PRR16: variants seen among roughly 807,000 people sequenced by gnomAD.
The protein encoded by PRR16 is proline rich 16.
Under a neutral mutation model 18.2 loss-of-function variants are expected in PRR16, and 6 were observed. The observed-to-expected ratio is 0.33, with a 90% CI of 0.18 to 0.65. PRR16 has a LOEUF of 0.65. Ranked by LOEUF, PRR16 falls within the 30% of genes least tolerant of loss-of-function variation. The pLI is 0.74. For missense variants in PRR16, 412 were observed against 376.6 expected (o/e 1.09, Z -0.78); for synonymous variants, 151 against 147.8 (o/e 1.02, Z -0.16).
intron 1 of PRR16, among the ~76,000 whole-genome samples, chr5:120,480,583 T>C (rs1434855244): frequency 6.6e-6 from 1 of 152,202 alleles, no homozygotes; most frequent in African/African-American, 2.4e-5. Flanking sequence ...ACTATACAGA[T>C]TAGCTGTTGC....
chr5:120,676,112 G>A (rs1756786198), intron 1 of PRR16, among the ~76,000 whole-genome samples: 1 of 152,106 alleles, frequency 6.6e-6, no homozygotes, highest in African/African-American at 2.4e-5. Context: ...GTGTGGGTGT[G>A]TGTATTTTAT....
Position 120,686,453 on chromosome 5 carries a change from G to C in PRR16, c.659G>C (p.Cys220Ser). ...CAGTACCATGGCTATTGTCCTGACT[G>C]TGATACCCGGTATAACATAAAAAAC... Reference protein sequence around the residue: ...KVQYHGYCPDCDTRYNIKNRE... With the variant: ...KVQYHGYCPDSDTRYNIKNRE... Residue 220 changes from cysteine (C) to serine (S), a missense_variant, in exon 2 of 2, where the codon TGT (cysteine) becomes TCT (serine). Physicochemically the swap from Cys to Ser is moderately radical, Grantham distance 112 (BLOSUM62 -1). Transcript: ENST00000407149. 6.2e-7 allele frequency: 1 copy of C among 1,614,126 alleles called. No individual in the cohort carries two copies. The highest frequency in any genetic ancestry group is 8.5e-7 in the Non-Finnish European group (1 of 1,180,014).
At chr5:120,731,737 A>G in the PRR16 span, among the ~76,000 whole-genome samples, 774 of 152,318 alleles carry the variant, frequency 5.1e-3, 11 homozygotes, top group African/African-American at 0.017. Context: ...TCACATCAAA[A>G]CAAGGCTGGC....
chr5:120,563,462 C>G (rs915850426), intron 1 of PRR16, among the ~76,000 whole-genome samples: 4 of 152,196 alleles, frequency 2.6e-5, no homozygotes. Flanking sequence ...TACAAAGATC[C>G]TTCCTGCTCT....
intron 1 of PRR16, among the ~76,000 whole-genome samples, chr5:120,562,663 A>G (rs904176312): frequency 2.6e-5 from 4 of 151,900 alleles, no homozygotes; most frequent in African/African-American, 9.7e-5. Context: ...TTTTGATCTG[A>G]GGTTACTGTG....
intron 1 of PRR16, among the ~76,000 whole-genome samples, chr5:120,583,217 A>G (rs564067035): frequency 1.3e-4 from 20 of 152,226 alleles, no homozygotes; most frequent in Non-Finnish European, 2.6e-4. Flanking sequence ...TGGTAGAGGC[A>G]GTTACAAAGG....
chr5:120,572,880 T>G (rs1752951441), intron 1 of PRR16, among the ~76,000 whole-genome samples: 1 of 152,128 alleles, frequency 6.6e-6, no homozygotes, highest in South Asian at 2.1e-4. Context: ...GACTGCAAAT[T>G]GAATGTCATT....
chr5:120,466,232 C>T (rs1749074961), intron 1 of PRR16, among the ~76,000 whole-genome samples: 1 of 152,054 alleles, frequency 6.6e-6, no homozygotes, highest in Non-Finnish European at 1.5e-5. Context: ...AAATGCTGTC[C>T]CTTTCTTTGT....
chr5:120,619,149 C>A lies in PRR16; in HGVS notation c.160-66805C>A, dbSNP rs189253369. ...ATGTATTCAGAAGCAATCCTCTGTACATATTACGTGATGCCCCACACATAA... is the reference window on the plus strand; with the variant it reads ...ATGTATTCAGAAGCAATCCTCTGTAAATATTACGTGATGCCCCACACATAA... On this transcript the variant is annotated intron_variant, in intron 1 of 1. Coordinates refer to ENST00000407149, the MANE Select transcript of PRR16 (RefSeq NM_001300783.2). 3.2e-3 allele frequency among the ~76,000 whole-genome samples: 485 copies of A among 152,208 alleles called. 4 individuals are homozygous for A. The highest frequency in any genetic ancestry group is 0.011 in the African/African-American group (446 of 41,544).
intron 1 of PRR16, among the ~76,000 whole-genome samples, chr5:120,587,545 T>A (rs1162172672): frequency 6.6e-6 from 1 of 152,202 alleles, no homozygotes; most frequent in African/African-American, 2.4e-5. Context: ...AAATCTACTT[T>A]GCCCTTGCTC....
chr5:120,567,775 C>T (rs1752782882), intron 1 of PRR16, among the ~76,000 whole-genome samples: 1 of 152,178 alleles, frequency 6.6e-6, no homozygotes, highest in African/African-American at 2.4e-5. Context: ...TTCTTCAGGC[C>T]TCCCCAGCCA....
chr5:120,595,434 CA>C (rs58436470), intron 1 of PRR16, among the ~76,000 whole-genome samples: 43 of 149,302 alleles, frequency 2.9e-4, no homozygotes, highest in African/African-American at 8.8e-4. Context: ...ATCAAAAAGT[CA>C]AAAAAAAAAT....
At chr5:120,503,937 A>T (rs907335288) in intron 1 of PRR16, among the ~76,000 whole-genome samples, 3 of 151,792 alleles carry the variant, frequency 2.0e-5, no homozygotes, top group African/African-American at 7.3e-5. Flanking sequence ...ATGATTTCCA[A>T]TTTCATCCAT....
intron 1 of PRR16, among the ~76,000 whole-genome samples, chr5:120,467,640 T>G (rs1296437541): frequency 2.6e-5 from 4 of 152,114 alleles, no homozygotes. Flanking sequence ...AAAACTCTAG[T>G]CTGCTCAGCA....
At chr5:120,632,208 A>C (rs899984444) in intron 1 of PRR16, among the ~76,000 whole-genome samples, 3 of 152,152 alleles carry the variant, frequency 2.0e-5, no homozygotes, top group African/African-American at 7.2e-5. Context: ...CCAAGGGAGC[A>C]CTCTGTGGAA....
chr5:120,502,178 G>A (rs1750482990), intron 1 of PRR16, among the ~76,000 whole-genome samples: 2 of 150,908 alleles, frequency 1.3e-5, no homozygotes, highest in African/African-American at 4.8e-5. Context: ...GAAATAATCA[G>A]AGAAGCATAG....
Position 120,672,938 on chromosome 5 carries a change from G to A in PRR16, c.160-13016G>A, listed in dbSNP as rs1457897535. 2.0e-5 allele frequency among the ~76,000 whole-genome samples: 3 copies of A among 152,052 alleles called. No individual in the cohort carries two copies. In the East Asian group the frequency reaches 5.8e-4, roughly 29 times the overall value. The stretch of plus-strand genomic sequence containing the variant: ...TAGTTGCATCTTGTACATCTATTAG[G>A]TTACTAAAGCAATTGTGATGAAGGA... On this transcript the variant is annotated intron_variant, in intron 1 of 1. Transcript: ENST00000407149.
chr5:120,755,207 A>T, the PRR16 span, among the ~76,000 whole-genome samples: 28 of 151,870 alleles, frequency 1.8e-4, no homozygotes, highest in Non-Finnish European at 1.5e-5. Context: ...AAAATTTAAA[A>T]AAAATCTAAA....
the PRR16 span, among the ~76,000 whole-genome samples, chr5:120,785,773 T>C: frequency 1.9e-3 from 292 of 151,588 alleles, no homozygotes; most frequent in South Asian, 3.9e-3. Context: ...GGTTTCACCA[T>C]ATTGGGCAGG....
Sources: allele counts gnomAD v4.1 joint callset (sites outside exome capture counted in the v4.1 genomes callset), GRCh38; gene constraint gnomAD v4.1.1; transcripts MANE v1.5; gene names NCBI Gene and HGNC (gene_info 2026-07-23, HGNC 2026-07-21).